TXLNB: variants seen among roughly 807,000 people sequenced by gnomAD.
TXLNB encodes taxilin beta, also known as beta-taxilin.
TXLNB carries 37 observed loss-of-function variants against 57.4 expected under a neutral mutation model. The observed-to-expected ratio is 0.64, with a 90% CI of 0.50 to 0.85. TXLNB has a LOEUF of 0.85. Among genes scored for constraint, TXLNB ranks in the 40% least tolerant of loss-of-function variants. The pLI is 0.00. For synonymous variants in TXLNB, 302 were observed against 309.6 expected, an observed-to-expected ratio of 0.98 and a Z score of 0.26; for missense variants, 848 against 825.6, an observed-to-expected ratio of 1.03 and a Z score of -0.33.
the TXLNB span, among the ~76,000 whole-genome samples, chr6:139,314,521 C>G: frequency 6.6e-6 from 1 of 152,220 alleles, no homozygotes. Flanking sequence ...TGATGGCTAT[C>G]TTCTATCTCC....
chr6:139,249,984 G>A (rs899088442), intron 7 of TXLNB, among the ~76,000 whole-genome samples: 11 of 151,702 alleles, frequency 7.3e-5, no homozygotes, highest in Admixed American at 2.6e-4. Context: ...ACACACACAC[G>A]CATGGTGCAT....
chr6:139,185,424 G>A, the TXLNB span, among the ~76,000 whole-genome samples: 1 of 152,160 alleles, frequency 6.6e-6, no homozygotes, highest in South Asian at 2.1e-4. Flanking sequence ...AGTTGTGGCC[G>A]GGTGCAGTGA....
At chr6:139,208,391 G>T in the TXLNB span, among the ~76,000 whole-genome samples, 1 of 152,098 alleles carries the variant, frequency 6.6e-6, no homozygotes, top group Non-Finnish European at 1.5e-5. Flanking sequence ...TGACAATCCT[G>T]AAACTATTCC....
At chr6:139,253,731 T>C (rs548392402) in intron 7 of TXLNB, among the ~76,000 whole-genome samples, 2 of 152,326 alleles carry the variant, frequency 1.3e-5, no homozygotes, top group Non-Finnish European at 2.9e-5. Context: ...AAGGCCTCGA[T>C]TCTGATGCCA....
At chr6:139,223,179 A>G in the TXLNB span, among the ~76,000 whole-genome samples, 5 of 152,242 alleles carry the variant, frequency 3.3e-5, no homozygotes, top group African/African-American at 1.2e-4. Flanking sequence ...AAAATGTCTA[A>G]TGTTTAGAAA....
chr6:139,167,146 A>G, the TXLNB span: 1 of 1,614,160 alleles, frequency 6.2e-7, no homozygotes, highest in East Asian at 2.2e-5. Context: ...GCCAGGGGGA[A>G]GACTTGCGGA....
chr6:139,236,418 A>G (rs1406696030), downstream of TXLNB, among the ~76,000 whole-genome samples: 1 of 152,112 alleles, frequency 6.6e-6, no homozygotes, highest in Non-Finnish European at 1.5e-5. Flanking sequence ...CCCCCATCAC[A>G]TGTCCTGCAA....
chr6:139,179,146 A>G, the TXLNB span: 1 of 152,174 alleles, frequency 6.6e-6, no homozygotes, highest in Non-Finnish European at 1.5e-5. Context: ...TTTAATGCAC[A>G]AAGCTGTAGT....
chr6:139,301,551 AG>A, the TXLNB span, among the ~76,000 whole-genome samples: 1 of 152,158 alleles, frequency 6.6e-6, no homozygotes, highest in Non-Finnish European at 1.5e-5. Flanking sequence ...TGGAAAAAAG[AG>A]TAAGCTCTTG....
downstream of TXLNB, among the ~76,000 whole-genome samples, chr6:139,235,861 T>C (rs74529826): frequency 1.4e-3 from 217 of 152,130 alleles, no homozygotes; most frequent in African/African-American, 4.6e-3. Context: ...GAGGAACACA[T>C]CAGCGGAAGA....
chr6:139,243,395 C>G (rs1400633194), intron 9 of TXLNB, 81 bp from the exon 10 acceptor site: 1 of 1,401,712 alleles, frequency 7.1e-7, no homozygotes, highest in Non-Finnish European at 9.5e-7. Context: ...TTTCTGGAAA[C>G]AAGCAAAACT....
intron 6 of TXLNB, 116 bp downstream of exon 6, chr6:139,260,202 A>G: frequency 8.1e-7 from 1 of 1,232,052 alleles, no homozygotes; most frequent in Non-Finnish European, 1.1e-6. Context: ...CCTGAATGAC[A>G]GAACGAGACT....
chr6:139,279,935 T>G (rs1457233505), intron 2 of TXLNB, among the ~76,000 whole-genome samples: 2 of 152,184 alleles, frequency 1.3e-5, no homozygotes, highest in Admixed American at 1.3e-4. Context: ...CTGTGGTCAC[T>G]GGCACAGTTT....
At chr6:139,161,448 C>T in the TXLNB span, among the ~76,000 whole-genome samples, 8 of 152,112 alleles carry the variant, frequency 5.3e-5, no homozygotes, top group Non-Finnish European at 1.0e-4. Flanking sequence ...GTGAACATGA[C>T]AAACACTGTT....
At chr6:139,193,838 A>T in the TXLNB span, among the ~76,000 whole-genome samples, 215 of 52,720 alleles carry the variant, frequency 4.1e-3, no homozygotes, top group East Asian at 8.6e-3. Flanking sequence ...ATATATATAT[A>T]TATTTTTTTT....
At chr6:139,262,875 GT>G (rs1275425297) in intron 4 of TXLNB, 102 bp from the exon 5 acceptor site, 8 of 1,199,290 alleles carry the variant, frequency 6.7e-6, no homozygotes, top group Non-Finnish European at 8.1e-6. Context: ...TAGGTGGGAT[GT>G]TTTTTCTCAG....
chr6:139,237,457 A>G (rs988585811), downstream of TXLNB: 1 of 150,600 alleles, frequency 6.6e-6, no homozygotes, highest in Admixed American at 6.7e-5. Context: ...GTGAGTCAAG[A>G]TCGTACTACT....
chr6:139,229,570 G>A, the TXLNB span, among the ~76,000 whole-genome samples: 1 of 152,130 alleles, frequency 6.6e-6, no homozygotes, highest in African/African-American at 2.4e-5. Flanking sequence ...TGATCTGCCC[G>A]CCTTGGCCTC....
At chr6:139,307,228 G>T in the TXLNB span, among the ~76,000 whole-genome samples, 4 of 152,252 alleles carry the variant, frequency 2.6e-5, no homozygotes, top group Non-Finnish European at 4.4e-5. Flanking sequence ...TAGAGATAGG[G>T]TCTCACTTTG....
Sources: gnomAD v4.1 joint callset for allele counts (sites outside exome capture counted in the v4.1 genomes callset) on GRCh38, gnomAD v4.1.1 for gene constraint, MANE v1.5 for transcripts, NCBI Gene and HGNC (gene_info 2026-07-23, HGNC 2026-07-21) for gene names.